ACBD6: variants seen among roughly 807,000 people sequenced by gnomAD.
ACBD6 encodes acyl-CoA binding domain containing 6, also known as acyl-CoA-binding domain-containing protein 6.
Under a neutral mutation model 37.2 loss-of-function variants are expected in ACBD6, and 28 were observed. That is an observed-to-expected ratio of 0.75 (90% CI 0.56 to 1.03). The LOEUF is 1.03. Ranked by LOEUF, ACBD6 falls within the 50% of genes least tolerant of loss-of-function variation. The pLI is 0.00. For missense variants in ACBD6, 340 were observed against 337.4 expected, an observed-to-expected ratio of 1.01 and a Z score of -0.06; for synonymous variants, 113 against 126.8, an observed-to-expected ratio of 0.89 and a Z score of 0.73.
intron 4 of ACBD6, among the ~76,000 whole-genome samples, chr1:180,414,444 G>A (rs1032108238): frequency 6.6e-6 from 1 of 152,204 alleles, no homozygotes; most frequent in African/African-American, 2.4e-5. Context: ...AACATCTTGT[G>A]TCATACAGAA....
At position 180,362,952 on chromosome 1, in the gene ACBD6, A is replaced by C. The variant is rs1652904963; in HGVS notation, c.663+34564T>G. Among the ~76,000 whole-genome samples, 3 of 152,240 alleles carry C rather than the reference A, an allele frequency of 2.0e-5. No individual in the cohort carries two copies. In the South Asian group the frequency reaches 6.2e-4, roughly 31 times the overall value. On this transcript the variant is annotated intron_variant, in intron 6 of 7. Transcript: ENST00000367595. ...AACACTCAGGTGACTAGAGAAGTTG[A>C]GAAACTTTAATATTCTCTTTGCTGG...
chr1:180,359,814 C>T (rs1652778954), intron 6 of ACBD6, among the ~76,000 whole-genome samples: 2 of 151,972 alleles, frequency 1.3e-5, no homozygotes, highest in African/African-American at 4.8e-5. Flanking sequence ...TATTTATTTC[C>T]AAAGTGCATT....
chr1:180,378,539 AT>A (rs1653525850), intron 6 of ACBD6, among the ~76,000 whole-genome samples: 1 of 152,260 alleles, frequency 6.6e-6, no homozygotes, highest in Non-Finnish European at 1.5e-5. Flanking sequence ...GATGAGTAGT[AT>A]ACAGGAACTC....
At chr1:180,467,472 A>ACC (rs1553214784) in intron 3 of ACBD6, among the ~76,000 whole-genome samples, 1 of 114,524 alleles carries the variant, frequency 8.7e-6, no homozygotes, top group African/African-American at 3.6e-5. Flanking sequence ...AAAAAAAAAA[A>ACC]CAAAAACAAA....
At chr1:180,413,206 C>T (rs1313072645) in intron 5 of ACBD6, among the ~76,000 whole-genome samples, 160 bp downstream of exon 5, 1 of 152,148 alleles carries the variant, frequency 6.6e-6, no homozygotes, top group Admixed American at 6.5e-5. Context: ...AATCACAGAA[C>T]GTATCTTAAC....
chr1:180,303,843 T>C (rs941387230), intron 7 of ACBD6, among the ~76,000 whole-genome samples: 3 of 150,916 alleles, frequency 2.0e-5, no homozygotes, highest in African/African-American at 7.2e-5. Context: ...TGAATACTGA[T>C]GCAAAAATCA....
intron 3 of ACBD6, among the ~76,000 whole-genome samples, chr1:180,490,378 C>T (rs936359254): frequency 6.6e-6 from 1 of 152,038 alleles, no homozygotes; most frequent in Non-Finnish European, 1.5e-5. Context: ...GGAAATTTCT[C>T]ATGCCTATAA....
At chr1:180,373,268 T>C (rs1653325149) in intron 6 of ACBD6, among the ~76,000 whole-genome samples, 1 of 152,220 alleles carries the variant, frequency 6.6e-6, no homozygotes, top group Admixed American at 6.5e-5. Context: ...TTTCCAAACA[T>C]GTTCTTTGAA....
At chr1:180,365,961 ATAAC>A (rs1265896679) in intron 6 of ACBD6, among the ~76,000 whole-genome samples, 1 of 152,200 alleles carries the variant, frequency 6.6e-6, no homozygotes, top group African/African-American at 2.4e-5. Flanking sequence ...TTTACTTAGT[ATAAC>A]TAAGCAAATT....
intron 3 of ACBD6, among the ~76,000 whole-genome samples, chr1:180,453,155 CAAAA>C (rs1649780266): frequency 6.6e-6 from 1 of 152,138 alleles, no homozygotes; most frequent in Admixed American, 6.5e-5. Context: ...AACATCGATG[CAAAA>C]ATCTTCAATA....
chr1:180,356,323 C>T (rs1652627349), intron 6 of ACBD6, among the ~76,000 whole-genome samples: 1 of 151,988 alleles, frequency 6.6e-6, no homozygotes, highest in Non-Finnish European at 1.5e-5. Flanking sequence ...AGGTGTGTGC[C>T]ACCATGCCCA....
chr1:180,317,866 T>C (rs1018552177), intron 6 of ACBD6, among the ~76,000 whole-genome samples: 1 of 152,164 alleles, frequency 6.6e-6, no homozygotes, highest in Non-Finnish European at 1.5e-5. Context: ...ATTTTGTGAC[T>C]GCCAATTCCT....
intron 2 of ACBD6, among the ~76,000 whole-genome samples, chr1:180,494,834 T>C (rs993126491): frequency 1.3e-5 from 2 of 152,192 alleles, no homozygotes; most frequent in African/African-American, 4.8e-5. Context: ...TAAGGTCTCA[T>C]AAATGACAAG....
chr1:180,395,716 G>A lies in ACBD6; in HGVS notation c.663+1800C>T, dbSNP rs1654236642. 2.6e-5 allele frequency among the ~76,000 whole-genome samples: 4 copies of A among 152,274 alleles called. No homozygotes were observed. The South Asian group carries it at 8.3e-4, about 32-fold the overall frequency. On this transcript the variant is annotated intron_variant, in intron 6 of 7. Transcript: ENST00000367595. ...GTATTACTGGTGGGAATGTAAAATG[G>A]TGCAGCTACTGTGGGAAACAATATG...
intron 1 of ACBD6, 103 bp downstream of exon 1, chr1:180,501,942 G>A (rs1333181081): frequency 2.8e-6 from 3 of 1,070,184 alleles, no homozygotes; most frequent in Non-Finnish European, 4.2e-6. Context: ...ACATACACAA[G>A]CTTCATTACA....
intron 5 of ACBD6, among the ~76,000 whole-genome samples, chr1:180,401,390 T>C (rs1004910959): frequency 2.0e-5 from 3 of 152,318 alleles, no homozygotes; most frequent in Admixed American, 2.0e-4. Context: ...TCTTAATATA[T>C]GAAATGCTTC....
chr1:180,479,728 G>A (rs945829091), intron 3 of ACBD6, among the ~76,000 whole-genome samples: 2 of 152,090 alleles, frequency 1.3e-5, no homozygotes, highest in Non-Finnish European at 2.9e-5. Context: ...TGGCAGGTAC[G>A]CCTGTAATCC....
chr1:180,351,027 T>C (rs776718515), intron 6 of ACBD6, among the ~76,000 whole-genome samples: 1 of 152,174 alleles, frequency 6.6e-6, no homozygotes, highest in African/African-American at 2.4e-5. Context: ...GCTGTTACTT[T>C]TCCTATGTTT....
intron 6 of ACBD6, among the ~76,000 whole-genome samples, chr1:180,342,632 T>G (rs1652024630): frequency 6.6e-6 from 1 of 152,094 alleles, no homozygotes; most frequent in African/African-American, 2.4e-5. Context: ...GATGCCTTAA[T>G]AAACCACATC....
Sources: gnomAD v4.1 joint callset for allele counts (sites outside exome capture counted in the v4.1 genomes callset) on GRCh38, gnomAD v4.1.1 for gene constraint, MANE v1.5 for transcripts, NCBI Gene and HGNC (gene_info 2026-07-23, HGNC 2026-07-21) for gene names.